The following UIMC1 variants were observed in gnomAD, a reference collection of about 807,000 sequenced individuals.
The protein encoded by UIMC1 is BRCA1-A complex subunit RAP80.
UIMC1 carries 42 observed loss-of-function variants against 84.9 expected under a neutral mutation model. That is an observed-to-expected ratio of 0.49 (90% CI 0.39 to 0.64). The LOEUF (loss-of-function observed/expected upper bound fraction) is 0.64, where lower values mean the gene tolerates loss of function less well. Ranked by LOEUF, UIMC1 falls within the 30% of genes least tolerant of loss-of-function variation. The pLI is 0.00. For missense variants in UIMC1, 825 were observed against 847.6 expected (o/e 0.97, Z 0.33); for synonymous variants, 281 against 293.0 (o/e 0.96, Z 0.42).
In UIMC1 at chr5:176,944,673, T is replaced by G. The variant is rs77295063; in HGVS notation, c.1444-1185A>C. Among the ~76,000 whole-genome samples, 1,387 of 152,334 alleles carry G rather than the reference T, an allele frequency of 9.1e-3. 8 individuals carry two copies. Among genetic ancestry groups the G allele is most frequent in the South Asian group, 0.025 (121 of 4,832 alleles). On this transcript the variant is annotated intron_variant, in intron 9 of 14. Transcript: ENST00000511320. ...TAGAAAATGTGACTTCTGAGTCAAC[T>G]GGGTCTTTTGGGGTAAGAGGTTGGG...
rs71583560 is a variant in UIMC1 at position 176,986,359 on chromosome 5, C to CAAAAAAAAA, written c.-8-3745_-8-3737dup. 1.2e-3 allele frequency among the ~76,000 whole-genome samples: 34 copies of CAAAAAAAAA among 28,012 alleles called. 8 individuals are homozygous for CAAAAAAAAA. Among genetic ancestry groups the CAAAAAAAAA allele is most frequent in the Admixed American group, 2.2e-3 (3 of 1,342 alleles). 18.4% of individuals were successfully genotyped at this position (28,012 alleles called of 152,430 possible). A position where few individuals can be genotyped will look rare whatever the true frequency, so the allele number is the denominator to read the frequency against. ...TGGGTGCCAGAGTAAGACTTCATCT[C>CAAAAAAAAA]AAAAAAAAAAAAAAAAAAAAAAAAA... On this transcript the variant is annotated intron_variant, in intron 1 of 14. Coordinates refer to ENST00000511320, the MANE Select transcript of UIMC1 (RefSeq NM_001199298.2).
intron 6 of UIMC1, among the ~76,000 whole-genome samples, chr5:176,960,142 A>C (rs1767160849): frequency 1.3e-5 from 2 of 152,228 alleles, no homozygotes; most frequent in Non-Finnish European, 2.9e-5. Flanking sequence ...AAAACCATTA[A>C]ATTATTTTAA....
intron 6 of UIMC1, among the ~76,000 whole-genome samples, chr5:176,967,552 A>C (rs1768488730): frequency 6.6e-6 from 1 of 152,098 alleles, no homozygotes; most frequent in South Asian, 2.1e-4. Flanking sequence ...TATATTTTTG[A>C]ATTTCGAGCC....
chr5:176,986,591 GT>G (rs1411679262), intron 1 of UIMC1, among the ~76,000 whole-genome samples: 1 of 144,524 alleles, frequency 6.9e-6, no homozygotes, highest in Non-Finnish European at 1.5e-5. Flanking sequence ...TATAATCCCA[GT>G]ATTTTGGGAG....
intron 6 of UIMC1, among the ~76,000 whole-genome samples, chr5:176,966,611 T>G (rs1232885929): frequency 3.9e-5 from 6 of 152,184 alleles, no homozygotes; most frequent in African/African-American, 1.4e-4. Context: ...TATTATTGCT[T>G]TATAATATTC....
At position 176,968,913 on chromosome 5, in the gene UIMC1, G is replaced by A; in HGVS notation, c.842C>T (p.Pro281Leu). Residue 281 changes from proline (P) to leucine (L), a missense_variant, in exon 6 of 15, where the codon CCA becomes CTA. Physicochemically the swap from Pro to Leu is moderately conservative, Grantham distance 98. Transcript: ENST00000511320. ...AGGGTCTACTCCATCAGGGCAGAAT[G>A]GAATACCCCAGAAATAGTTCACAGT... ...GGTVNYFWGI[P>L]FCPDGVDPNQ... The A allele has an allele frequency of 6.2e-7, 1 of 1,614,120 alleles. No homozygotes were observed. The highest frequency in any genetic ancestry group is 1.1e-5 in the South Asian group (1 of 91,084).
intron 8 of UIMC1, among the ~76,000 whole-genome samples, chr5:176,952,504 T>C (rs747484252): frequency 1.2e-4 from 19 of 152,218 alleles, no homozygotes; most frequent in Admixed American, 3.3e-4. Context: ...AGTAAGGTTT[T>C]ATTGGAACAC....
At position 176,958,025 on chromosome 5, in the gene UIMC1, C is replaced by T. The variant is rs905211722; in HGVS notation, c.1262+68G>A. On this transcript the variant is annotated intron_variant, in intron 7 of 14. Transcript: ENST00000511320. ...CAAGCTGTCCACGTACAGTCTCACT[C>T]ATGTGGTTCATCTCCCTTATGCTGG... 1.9e-5 allele frequency: 29 copies of T among 1,501,690 alleles called. No individual in the cohort carries two copies. In the Admixed American group the frequency reaches 5.0e-4, roughly 26 times the overall value. The allele number at this position is 1,501,690 out of a possible 1,614,324, so 93.0% of individuals were successfully genotyped here.
intron 8 of UIMC1, among the ~76,000 whole-genome samples, chr5:176,953,608 T>C (rs1241890533): frequency 6.6e-6 from 1 of 151,922 alleles, no homozygotes; most frequent in East Asian, 1.9e-4. Context: ...CAAAAAGATA[T>C]TCAGCATATT....
At chr5:177,010,796 G>A (rs188421547), upstream of UIMC1, among the ~76,000 whole-genome samples, 10 of 152,162 alleles carry the variant, frequency 6.6e-5, no homozygotes, top group East Asian at 1.4e-3. Flanking sequence ...GTGAGCAACC[G>A]GGTCCGGCCA....
chr5:176,951,586 T>A lies in UIMC1; in HGVS notation c.1340-9A>T. Reference sequence around the variant, plus strand: ...GGAACTTAGCTGGGTCTCTGTAATTTAAAAAAGTTAAAATCCCATTAATTT... The same window carrying A: ...GGAACTTAGCTGGGTCTCTGTAATTAAAAAAAGTTAAAATCCCATTAATTT... On this transcript the variant is annotated splice_polypyrimidine_tract_variant and intron_variant, in intron 8 of 14. Coordinates refer to ENST00000511320, the MANE Select transcript of UIMC1 (RefSeq NM_001199298.2). The A allele has an allele frequency of 6.5e-7, 1 of 1,542,698 alleles. No homozygotes were observed. Among genetic ancestry groups the A allele is most frequent in the Non-Finnish European group, 8.7e-7 (1 of 1,148,922 alleles).
intron 10 of UIMC1, among the ~76,000 whole-genome samples, chr5:176,922,094 T>C (rs1286859481): frequency 6.6e-6 from 1 of 152,198 alleles, no homozygotes; most frequent in African/African-American, 2.4e-5. Flanking sequence ...GATCTTTCTC[T>C]TTAATCGAGC....
chr5:176,956,000 A>C lies in UIMC1; in HGVS notation c.1298T>G (p.Leu433Arg), dbSNP rs763578136. The stretch of plus-strand genomic sequence containing the variant: ...TTCTTCTGCAGAACTCTCTGGCATA[A>C]GGACTAAGCTTCTCTTACTGGTCAA... Reference protein sequence around the residue: ...AALTSKRSLVLMPESSAEEIT... With the variant: ...AALTSKRSLVRMPESSAEEIT... The change falls in exon 8 of 15, where the codon CTT (leucine) becomes CGT (arginine). Residue 433 changes from leucine to arginine, a missense_variant. By Grantham distance (102) the Leu-to-Arg change is moderately radical (BLOSUM62 -2). Coordinates refer to ENST00000511320, the MANE Select transcript of UIMC1 (RefSeq NM_001199298.2). 1.2e-6 allele frequency: 2 copies of C among 1,613,554 alleles called. No individual in the cohort carries two copies. Among genetic ancestry groups the C allele is most frequent in the Non-Finnish European group, 1.7e-6 (2 of 1,179,750 alleles).
intron 12 of UIMC1, among the ~76,000 whole-genome samples, chr5:176,907,864 T>G (rs776822962): frequency 2.0e-5 from 3 of 152,190 alleles, no homozygotes; most frequent in Non-Finnish European, 2.9e-5. Flanking sequence ...TAGTTCCGTA[T>G]CAGAAAATGT....
At chr5:176,947,207 G>T (rs901914600) in intron 9 of UIMC1, among the ~76,000 whole-genome samples, 9 of 152,086 alleles carry the variant, frequency 5.9e-5, no homozygotes, top group Non-Finnish European at 1.3e-4. Context: ...TTAAAATAAG[G>T]TATTTTTTCC....
At chr5:176,978,686 T>C (rs1280580738) in intron 2 of UIMC1, among the ~76,000 whole-genome samples, 1 of 152,112 alleles carries the variant, frequency 6.6e-6, no homozygotes, top group African/African-American at 2.4e-5. Flanking sequence ...GTATGATTTA[T>C]TTCAGAAATG....
chr5:176,929,905 T>C, intron 10 of UIMC1, among the ~76,000 whole-genome samples: 1 of 152,142 alleles, frequency 6.6e-6, no homozygotes, highest in Middle Eastern at 3.2e-3. Flanking sequence ...CAAATCACAC[T>C]GGATATTGTC....
intron 1 of UIMC1, among the ~76,000 whole-genome samples, chr5:177,018,948 G>C (rs1581742821): frequency 6.6e-6 from 1 of 152,142 alleles, no homozygotes; most frequent in South Asian, 2.1e-4. Flanking sequence ...CTGCGACTTC[G>C]ACAAAAATCC....
In UIMC1 at chr5:176,969,103, C is replaced by A. The variant is rs1340151766; in HGVS notation, c.652G>T (p.Asp218Tyr). Residue 218 changes from aspartate (D) to tyrosine (Y), a missense_variant, in exon 6 of 15, where the codon GAC becomes TAC. Coordinates refer to ENST00000511320, the MANE Select transcript of UIMC1 (RefSeq NM_001199298.2). ...VFENVNVKSF[D>Y]RCTGHSAEHT... is the part of the protein sequence containing the mutation. ...TCAGCCGAGTGGCCAGTACATCTGT[C>A]AAAAGATTTAACGTTCACATTCTCA... 3.7e-6 allele frequency: 6 copies of A among 1,614,102 alleles called. No homozygotes were observed. The highest frequency in any genetic ancestry group is 5.1e-6 in the Non-Finnish European group (6 of 1,180,048).
Sources: gnomAD v4.1 joint callset for allele counts (sites outside exome capture counted in the v4.1 genomes callset) on GRCh38, gnomAD v4.1.1 for gene constraint, MANE v1.5 for transcripts, NCBI Gene and HGNC (gene_info 2026-07-23, HGNC 2026-07-21) for gene names.